Variants in BLTP1 observed in about 807,000 individuals in gnomAD.
The protein encoded by BLTP1 is fragile site-associated protein.
the BLTP1 span, chr4:122,270,325 C>A: frequency 1.0e-6 from 1 of 982,556 alleles, no homozygotes; most frequent in Non-Finnish European, 1.2e-6. Flanking sequence ...TCATAGTGTG[C>A]ATGGAAGAAG....
the BLTP1 span, among the ~76,000 whole-genome samples, chr4:122,326,268 T>C: frequency 6.6e-6 from 1 of 151,758 alleles, no homozygotes; most frequent in Non-Finnish European, 1.5e-5. Flanking sequence ...AAACTAGAAT[T>C]AAATTTAATT....
the BLTP1 span, chr4:122,351,183 ACAGT>A: frequency 1.6e-6 from 1 of 627,396 alleles, no homozygotes; most frequent in South Asian, 7.1e-5. Flanking sequence ...GTGGTGAGAA[ACAGT>A]CAGAATGAGG....
the BLTP1 span, chr4:122,187,426 G>A: frequency 6.2e-7 from 1 of 1,609,772 alleles, no homozygotes. Flanking sequence ...ATTTTTTCTT[G>A]TTAGAGTTAA....
chr4:122,290,647 TGTG>T, the BLTP1 span, among the ~76,000 whole-genome samples: 1 of 150,076 alleles, frequency 6.7e-6, no homozygotes, highest in Non-Finnish European at 1.5e-5. Context: ...ATTAGCCTGG[TGTG>T]GTGGTGGGCG....
chr4:122,206,912 T>G, the BLTP1 span: 1 of 153,808 alleles, frequency 6.5e-6, no homozygotes, highest in South Asian at 2.1e-4. Flanking sequence ...TATTTGGAAC[T>G]GTGATTAGTA....
chr4:122,276,031 T>C, the BLTP1 span: 2 of 1,577,894 alleles, frequency 1.3e-6, no homozygotes, highest in South Asian at 2.4e-5. Flanking sequence ...CTGTATGTCA[T>C]ATTATTCTTT....
the BLTP1 span, chr4:122,194,561 T>A: frequency 1.1e-6 from 1 of 946,952 alleles, no homozygotes; most frequent in Non-Finnish European, 1.3e-6. Context: ...TAAACTATAT[T>A]GAGAAATCTC....
chr4:122,190,148 A>G, the BLTP1 span: 9 of 1,590,006 alleles, frequency 5.7e-6, no homozygotes, highest in East Asian at 1.8e-4. Flanking sequence ...ACAGGCTGGA[A>G]TGCAGTGGCG....
the BLTP1 span, chr4:122,331,814 T>C: frequency 1.1e-6 from 1 of 943,694 alleles, no homozygotes; most frequent in East Asian, 1.2e-4. Flanking sequence ...TTAACACACA[T>C]GAATTTCTCA....
At chr4:122,354,116 C>A in the BLTP1 span, 1 of 1,042,124 alleles carries the variant, frequency 9.6e-7, no homozygotes, top group Non-Finnish European at 1.4e-6. Flanking sequence ...GTTTTCATTT[C>A]CTTAAACAAT....
chr4:122,180,073 C>T, the BLTP1 span: 90 of 983,228 alleles, frequency 9.2e-5, no homozygotes, highest in South Asian at 2.4e-3. Flanking sequence ...CACACACACA[C>T]GGCTTCTTTA....
chr4:122,305,917 AT>A, the BLTP1 span: 1 of 1,605,202 alleles, frequency 6.2e-7, no homozygotes, highest in Non-Finnish European at 8.5e-7. Flanking sequence ...CAAGTTGCCT[AT>A]TTTAAAACCA....
chr4:122,210,932 A>G, the BLTP1 span: 52 of 1,613,468 alleles, frequency 3.2e-5, 1 homozygote, highest in South Asian at 5.1e-4. Context: ...AGGCCATCCC[A>G]GAAGACATCA....
At chr4:122,260,324 CTG>C in the BLTP1 span, among the ~76,000 whole-genome samples, 1 of 152,068 alleles carries the variant, frequency 6.6e-6, no homozygotes. Flanking sequence ...TGGCACATGA[CTG>C]TATTGTAAAC....
chr4:122,231,264 A>G, the BLTP1 span, among the ~76,000 whole-genome samples: 5 of 152,162 alleles, frequency 3.3e-5, no homozygotes, highest in African/African-American at 1.2e-4. Context: ...TATATCCACA[A>G]TGGCTTTTTA....
the BLTP1 span, chr4:122,251,364 A>G: frequency 1.0e-6 from 1 of 966,950 alleles, no homozygotes; most frequent in Non-Finnish European, 1.2e-6. Flanking sequence ...ACCACTTTTT[A>G]ATTAGGAAGT....
At chr4:122,188,283 T>G in the BLTP1 span, 10 of 591,644 alleles carry the variant, frequency 1.7e-5, no homozygotes, top group East Asian at 1.4e-3. Flanking sequence ...ACTCTAATTT[T>G]AAATATTTTT....
At chr4:122,338,453 C>T in the BLTP1 span, among the ~76,000 whole-genome samples, 1 of 152,132 alleles carries the variant, frequency 6.6e-6, no homozygotes, top group Admixed American at 6.6e-5. Context: ...CCAGCCTGGA[C>T]AACAGAGTGG....
At chr4:122,199,149 T>C in the BLTP1 span, 7 of 188,994 alleles carry the variant, frequency 3.7e-5, no homozygotes, top group Middle Eastern at 2.9e-3. Flanking sequence ...AGAATAGATA[T>C]TATATGGAGT....
Sources: allele counts gnomAD v4.1 joint callset (sites outside exome capture counted in the v4.1 genomes callset), GRCh38; gene constraint gnomAD v4.1.1; transcripts MANE v1.5; gene names NCBI Gene and HGNC (gene_info 2026-07-23, HGNC 2026-07-21).